Variants in ABCB11 observed in about 807,000 individuals in gnomAD.
ABCB11 encodes the protein bile salt export pump.
ABCB11 carries 95 observed loss-of-function variants against 148.0 expected under a neutral mutation model. The ratio of observed to expected loss-of-function variants is 0.64; its 90% CI spans 0.54 to 0.76. The LOEUF is 0.76. ABCB11 is among the 30% of genes least tolerant of loss of function. The pLI, the probability that ABCB11 is intolerant of heterozygous loss-of-function variation, is 0.00. For missense variants in ABCB11, 1,523 were observed against 1,617.8 expected (o/e 0.94, Z 1.01); for synonymous variants, 591 against 555.4 (o/e 1.06, Z -0.90).
chr2:168,952,355 C>A (rs964944435), intron 19 of ABCB11, among the ~76,000 whole-genome samples: 1 of 151,122 alleles, frequency 6.6e-6, no homozygotes, highest in African/African-American at 2.4e-5. Context: ...TGGTCCTGGG[C>A]TTTTATTTTT....
At chr2:168,981,663 C>T (rs1369371978) in intron 10 of ABCB11, among the ~76,000 whole-genome samples, 3 of 152,132 alleles carry the variant, frequency 2.0e-5, no homozygotes, top group Non-Finnish European at 4.4e-5. Flanking sequence ...AGACCACACA[C>T]GTCAGAGGTC....
At chr2:169,021,929 G>T (rs939148660) in intron 1 of ABCB11, among the ~76,000 whole-genome samples, 1 of 151,706 alleles carries the variant, frequency 6.6e-6, no homozygotes, top group Middle Eastern at 3.3e-3. Flanking sequence ...ATTCTTAAGG[G>T]TGTATATTCT....
At chr2:169,019,827 GA>G (rs1030997326) in intron 1 of ABCB11, among the ~76,000 whole-genome samples, 13 of 151,734 alleles carry the variant, frequency 8.6e-5, no homozygotes, top group African/African-American at 1.5e-4. Flanking sequence ...AAAGTGATGA[GA>G]AAAAAAAGTA....
rs183223365 is a variant in ABCB11 at position 168,978,306 on chromosome 2, C to T, written c.1197+1560G>A. Among the ~76,000 whole-genome samples, 65 of 151,766 alleles carry T rather than the reference C, an allele frequency of 4.3e-4. 1 individual carries two copies. The East Asian group carries it at 0.011, about 25-fold the overall frequency. Reference sequence around the variant, plus strand: ...GACTATAGGCATGTGCCACCACACCCGGCTACTTTTTAAATTTTTTGTAGA... The same window carrying T: ...GACTATAGGCATGTGCCACCACACCTGGCTACTTTTTAAATTTTTTGTAGA... On this transcript the variant is annotated intron_variant, in intron 11 of 27. Transcript: ENST00000650372.
Position 168,969,459 on chromosome 2 carries a change from T to C in ABCB11, c.1902A>G (p.Ala634=), listed in dbSNP as rs1031096554. 6.2e-7 allele frequency: 1 copy of C among 1,612,602 alleles called. No individual in the cohort carries two copies. The highest frequency in any genetic ancestry group is 8.5e-7 in the Non-Finnish European group (1 of 1,179,206). Residue 634 remains alanine, a synonymous_variant, in exon 16 of 28, where the codon GCA becomes GCG. Coordinates refer to ENST00000650372, the MANE Select transcript of ABCB11 (RefSeq NM_003742.4). ...ATTCTTCATGGGTCCCTCTTTCCACTGCAGTGCCATGTTCAAAACCAATGA... is the reference window on the plus strand; with the variant it reads ...ATTCTTCATGGGTCCCTCTTTCCACCGCAGTGCCATGTTCAAAACCAATGA... ...DTIIGFEHGT[A]VERGTHEELL... is the part of the protein sequence containing the mutation.
At chr2:169,021,765 A>G (rs1454844174) in intron 1 of ABCB11, among the ~76,000 whole-genome samples, 1 of 152,064 alleles carries the variant, frequency 6.6e-6, no homozygotes, top group Non-Finnish European at 1.5e-5. Flanking sequence ...TTGTAACACA[A>G]TGTCGATAGA....
At chr2:168,962,733 T>C (rs1693131027) in intron 18 of ABCB11, among the ~76,000 whole-genome samples, 2 of 151,762 alleles carry the variant, frequency 1.3e-5, no homozygotes, top group African/African-American at 2.4e-5. Context: ...CCTGCTCTTA[T>C]ATAATACATC....
Position 168,922,044 on chromosome 2 carries a change from T to C in ABCB11, c.*1578A>G, listed in dbSNP as rs988631677. ...TTTTGTATTTTTAGTAGAGACGGGG[T>C]TTCACCATGTTAGCCAGGATGGTCT... On this transcript the variant is annotated 3_prime_UTR_variant, in exon 28 of 28. Transcript: ENST00000650372. Among the ~76,000 whole-genome samples, 12 of 151,606 alleles carry C rather than the reference T, an allele frequency of 7.9e-5. No individual in the cohort carries two copies. The highest frequency in any genetic ancestry group is 2.9e-4 in the African/African-American group (12 of 41,226).
intron 5 of ABCB11, 55 bp from the exon 6 acceptor site, chr2:168,996,777 G>C: frequency 9.6e-7 from 1 of 1,039,736 alleles, no homozygotes; most frequent in Non-Finnish European, 1.4e-6. Context: ...AGCCACCAGA[G>C]ATTACATTTG....
intron 19 of ABCB11, among the ~76,000 whole-genome samples, chr2:168,948,121 T>C (rs1276507648): frequency 6.6e-6 from 1 of 151,680 alleles, no homozygotes; most frequent in Non-Finnish European, 1.5e-5. Context: ...AAAGATCTCC[T>C]GACAGGAAAG....
downstream of ABCB11, among the ~76,000 whole-genome samples, chr2:168,920,084 T>C (rs1437571229): frequency 6.6e-6 from 1 of 152,186 alleles, no homozygotes; most frequent in African/African-American, 2.4e-5. Context: ...CAGGCTGGTC[T>C]TGTACTCCTG....
intron 18 of ABCB11, among the ~76,000 whole-genome samples, chr2:168,958,377 T>C (rs1692896782): frequency 6.6e-6 from 1 of 151,680 alleles, no homozygotes; most frequent in South Asian, 2.1e-4. Context: ...TATTTCATGA[T>C]TACATGTGTA....
chr2:169,006,231 G>A (rs1282348787), intron 5 of ABCB11, among the ~76,000 whole-genome samples: 2 of 152,060 alleles, frequency 1.3e-5, no homozygotes, highest in South Asian at 2.1e-4. Context: ...GAGTGCAAAG[G>A]TAATTGAACA....
In ABCB11 at chr2:168,922,761, C is replaced by T. The variant is rs1691126142; in HGVS notation, c.*861G>A. 6.6e-6 allele frequency among the ~76,000 whole-genome samples: 1 copy of T among 152,130 alleles called. No homozygotes were observed. Among genetic ancestry groups the T allele is most frequent in the African/African-American group, 2.4e-5 (1 of 41,418 alleles). ...AGTGCTTTTCTGCCATATTTACTTG[C>T]TTTTTTGTATAAAACCTTATGAAAC... On this transcript the variant is annotated 3_prime_UTR_variant, in exon 28 of 28. Coordinates refer to ENST00000650372, the MANE Select transcript of ABCB11 (RefSeq NM_003742.4).
intron 18 of ABCB11, among the ~76,000 whole-genome samples, chr2:168,958,581 A>C (rs976817625): frequency 6.6e-6 from 1 of 151,776 alleles, no homozygotes; most frequent in Non-Finnish European, 1.5e-5. Flanking sequence ...ATATGAAATA[A>C]GACAAAATAA....
chr2:168,935,940 G>A (rs1691800089), intron 22 of ABCB11, among the ~76,000 whole-genome samples: 1 of 152,188 alleles, frequency 6.6e-6, no homozygotes, highest in Admixed American at 6.5e-5. Context: ...CTGCAAATGA[G>A]AGTACACCAA....
intron 27 of ABCB11, among the ~76,000 whole-genome samples, 185 bp downstream of exon 27, chr2:168,924,472 T>A (rs1691217127): frequency 6.6e-6 from 1 of 152,228 alleles, no homozygotes; most frequent in Non-Finnish European, 1.5e-5. Flanking sequence ...GTAAAATATT[T>A]TTTTTGAAGC....
chr2:168,973,300 G>GTA (rs3084001), intron 13 of ABCB11, among the ~76,000 whole-genome samples: 1 of 151,428 alleles, frequency 6.6e-6, no homozygotes, highest in Non-Finnish European at 1.5e-5. Flanking sequence ...AATTTAGATG[G>GTA]TATATATATA....
intron 18 of ABCB11, among the ~76,000 whole-genome samples, chr2:168,958,825 T>A (rs1692919777): frequency 6.6e-6 from 1 of 151,736 alleles, no homozygotes; most frequent in Non-Finnish European, 1.5e-5. Context: ...GTTGTCTTTT[T>A]TGGCCATCGT....
Sources: gnomAD v4.1 joint callset for allele counts (sites outside exome capture counted in the v4.1 genomes callset) on GRCh38, gnomAD v4.1.1 for gene constraint, MANE v1.5 for transcripts, NCBI Gene and HGNC (gene_info 2026-07-23, HGNC 2026-07-21) for gene names.